PCDHGA5: variants seen among roughly 807,000 people sequenced by gnomAD.
The protein encoded by PCDHGA5 is protocadherin gamma-A5.
Under a neutral mutation model 56.7 loss-of-function variants are expected in PCDHGA5, and 36 were observed. That is an observed-to-expected ratio of 0.64 (90% CI 0.49 to 0.84). The LOEUF is 0.84. Ranked by LOEUF, PCDHGA5 falls within the 40% of genes least tolerant of loss-of-function variation. The probability of loss-of-function intolerance (pLI) is 0.00; values close to 1 mark genes in which losing one functional copy is unlikely to be tolerated. For synonymous variants in PCDHGA5, 563 were observed against 520.2 expected (o/e 1.08, Z -1.12); for missense variants, 1,305 against 1,201.5 (o/e 1.09, Z -1.27).
chr5:141,392,202 T>A (rs534571054), intron 1 of PCDHGA5: 1 of 152,352 alleles, frequency 6.6e-6, no homozygotes, highest in South Asian at 2.1e-4. Context: ...AGTCTCAAGA[T>A]AAATTCATTT....
chr5:141,496,511 C>T (rs1161285563), intron 2 of PCDHGA5, among the ~76,000 whole-genome samples: 1 of 152,182 alleles, frequency 6.6e-6, no homozygotes, highest in Non-Finnish European at 1.5e-5. Flanking sequence ...CACAAGGACC[C>T]AGGAGCCCTT....
At chr5:141,420,945 G>C in intron 1 of PCDHGA5, 1 of 396,520 alleles carries the variant, frequency 2.5e-6, no homozygotes, top group South Asian at 5.1e-5. Flanking sequence ...ATTTCTTCTG[G>C]AATTTCTTAG....
chr5:141,451,299 A>T (rs1016384424), intron 1 of PCDHGA5, among the ~76,000 whole-genome samples: 17 of 152,228 alleles, frequency 1.1e-4, no homozygotes, highest in African/African-American at 3.4e-4. Flanking sequence ...AAAGTCTTAC[A>T]AGGCAGCAAT....
chr5:141,438,358 G>A (rs1160913890), intron 1 of PCDHGA5, among the ~76,000 whole-genome samples: 1 of 151,634 alleles, frequency 6.6e-6, no homozygotes. Context: ...TCTGTGTATT[G>A]TCATTGAGGG....
Position 141,408,292 on chromosome 5 carries a change from T to C in PCDHGA5, c.2421+41541T>C, listed in dbSNP as rs752767472. On this transcript the variant is annotated intron_variant, in intron 1 of 3. Coordinates refer to ENST00000518069, the MANE Select transcript of PCDHGA5 (RefSeq NM_018918.3). ...TGCCTTTGTTCTACCCCACCCTGAGTGAGCCGATCCGCTACTCGATTCCGG... is the reference window on the plus strand; with the variant it reads ...TGCCTTTGTTCTACCCCACCCTGAGCGAGCCGATCCGCTACTCGATTCCGG... The C allele has an allele frequency of 5.0e-6, 8 of 1,613,504 alleles. No homozygotes were observed. The South Asian group carries it at 8.8e-5, about 18-fold the overall frequency.
At chr5:141,475,871 A>G (rs568810142) in intron 1 of PCDHGA5, 17 of 513,152 alleles carry the variant, frequency 3.3e-5, no homozygotes, top group Middle Eastern at 5.1e-4. Context: ...TTCTTCGTGC[A>G]GTTATTGGCT....
intron 1 of PCDHGA5, among the ~76,000 whole-genome samples, chr5:141,436,517 G>A (rs1398225419): frequency 1.3e-5 from 2 of 152,130 alleles, no homozygotes; most frequent in African/African-American, 4.8e-5. Flanking sequence ...TGTTAACTGT[G>A]TCACCTTTAG....
chr5:141,421,715 T>G (rs756472123), intron 1 of PCDHGA5: 1 of 1,613,960 alleles, frequency 6.2e-7, no homozygotes, highest in Admixed American at 1.7e-5. Context: ...GATCCAGATG[T>G]GGGCGTGAAC....
At chr5:141,453,205 G>C (rs570291941) in intron 1 of PCDHGA5, among the ~76,000 whole-genome samples, 2 of 151,872 alleles carry the variant, frequency 1.3e-5, no homozygotes, top group Non-Finnish European at 2.9e-5. Context: ...CCTCAACCTC[G>C]TGCACTTAAG....
In PCDHGA5 at chr5:141,476,506, C is replaced by T; in HGVS notation, c.2422-18301C>T. 1 of 1,614,068 alleles carries T rather than the reference C, an allele frequency of 6.2e-7. No homozygotes were observed. ...AAGTGGTGATCCAGGACATCAACGA[C>T]AACAATCCTGCTTTCCCTACCCAGG... On this transcript the variant is annotated intron_variant, in intron 1 of 3. Transcript: ENST00000518069. This position sits in a 1 kb window ranked among gnomAD's most constrained non-coding sequence, Gnocchi z 7.6.
rs768767029 is a variant in PCDHGA5, at chr5:141,477,838, G to A, written c.2422-16969G>A. The A allele has an allele frequency of 6.2e-7, 1 of 1,612,892 alleles. No individual in the cohort carries two copies. The highest frequency in any genetic ancestry group is 1.1e-5 in the South Asian group (1 of 90,982). ...AGGTCCTATATCCTCGGCCAGGTGG[G>A]AGCTCGGTGGAGATGCTGCCTCGAG... On this transcript the variant is annotated intron_variant, in intron 1 of 3. Transcript: ENST00000518069. This position sits in a 1 kb window ranked among gnomAD's most constrained non-coding sequence, Gnocchi z 4.9.
chr5:141,410,045 G>C (rs962300160), intron 1 of PCDHGA5: 1 of 1,613,166 alleles, frequency 6.2e-7, no homozygotes. Context: ...CAGTGAGCCC[G>C]GACTCTTCAG....
rs185786686 is a variant in PCDHGA5 at position 141,384,098 on chromosome 5, A to G, written c.2421+17347A>G. 9.4e-3 allele frequency: 14,953 copies of G among 1,596,884 alleles called. 110 individuals carry two copies. The highest frequency in any genetic ancestry group is 0.01 in the Non-Finnish European group (12,057 of 1,171,020). On this transcript the variant is annotated intron_variant, in intron 1 of 3. Transcript: ENST00000518069. ...TTTAAATTAGAAAAATCAATAGATA[A>G]TTATTATAGATTGGTCACAACCAAA... is the stretch of plus-strand genomic sequence containing the variant.
At chr5:141,414,305 A>G (rs2095732833) in intron 1 of PCDHGA5, 2 of 1,613,604 alleles carry the variant, frequency 1.2e-6, no homozygotes, top group African/African-American at 2.7e-5. Flanking sequence ...AATGTGCATG[A>G]TTTAGACTCT....
chr5:141,489,334 C>T lies in PCDHGA5; in HGVS notation c.2422-5473C>T, dbSNP rs768635851. On this transcript the variant is annotated intron_variant, in intron 1 of 3. Transcript: ENST00000518069. This position sits in a 1 kb window ranked among gnomAD's most constrained non-coding sequence, Gnocchi z 4.5. ...CTGGGGCTGGGTGTCTGGGCAGCTTCGTTACTCAGTGGTGGAGGAGTCTGA... is the reference window on the plus strand; with the variant it reads ...CTGGGGCTGGGTGTCTGGGCAGCTTTGTTACTCAGTGGTGGAGGAGTCTGA... The T allele has an allele frequency of 3.7e-6, 6 of 1,606,732 alleles. No individual in the cohort carries two copies. The highest frequency in any genetic ancestry group is 1.1e-5 in the South Asian group (1 of 90,048).
At chr5:141,481,822 G>A (rs1017311512) in intron 1 of PCDHGA5, among the ~76,000 whole-genome samples, 12 of 151,620 alleles carry the variant, frequency 7.9e-5, no homozygotes, top group Non-Finnish European at 1.5e-4. Context: ...CGTGGTGGCT[G>A]AGGCAGGAGA....
intron 1 of PCDHGA5, chr5:141,389,528 G>A (rs200792478): frequency 1.2e-6 from 2 of 1,613,210 alleles, no homozygotes; most frequent in East Asian, 2.2e-5. Context: ...GCCTGCGCGT[G>A]TTAGTGGACG....
rs182682202 is a variant in PCDHGA5 at position 141,445,418 on chromosome 5, T to A, written c.2422-49389T>A. Among the ~76,000 whole-genome samples the A allele has an allele frequency of 2.2e-3, 335 of 152,310 alleles. 1 individual carries two copies. Among genetic ancestry groups the A allele is most frequent in the Middle Eastern group, 0.01 (3 of 294 alleles). Reference sequence around the variant, plus strand: ...ACAAATATTTATTAACTGTCTGCTATATGCAAGGCACTGACCTATGGACTA... The same window carrying A: ...ACAAATATTTATTAACTGTCTGCTAAATGCAAGGCACTGACCTATGGACTA... On this transcript the variant is annotated intron_variant, in intron 1 of 3. Transcript: ENST00000518069.
intron 1 of PCDHGA5, among the ~76,000 whole-genome samples, chr5:141,466,627 C>G (rs1448245449): frequency 6.6e-6 from 1 of 152,154 alleles, no homozygotes; most frequent in African/African-American, 2.4e-5. Flanking sequence ...TTCTTTGGAG[C>G]ATTGTCTCCA....
Sources: gnomAD v4.1 joint callset for allele counts (sites outside exome capture counted in the v4.1 genomes callset) on GRCh38, gnomAD v4.1.1 for gene constraint, Gnocchi (gnomAD v3.1) non-coding constraint, MANE v1.5 for transcripts, NCBI Gene and HGNC (gene_info 2026-07-23, HGNC 2026-07-21) for gene names.